The following SNX29 variants were observed in gnomAD, a reference collection of about 807,000 sequenced individuals.
SNX29 encodes the protein sorting nexin 29.
Under a neutral mutation model 102.1 loss-of-function variants are expected in SNX29, and 78 were observed. That is an observed-to-expected ratio of 0.76 (90% CI 0.64 to 0.92). The LOEUF is 0.92. Ranked by LOEUF, SNX29 falls within the 40% of genes least tolerant of loss-of-function variation. The pLI, the probability that SNX29 is intolerant of heterozygous loss-of-function variation, is 0.00. For synonymous variants in SNX29, 580 were observed against 414.5 expected, an observed-to-expected ratio of 1.40 and a Z score of -4.85; for missense variants, 1,280 against 1,061.7, an observed-to-expected ratio of 1.21 and a Z score of -2.86.
intron 11 of SNX29, among the ~76,000 whole-genome samples, chr16:12,082,969 C>T (rs1337643582): frequency 1.3e-5 from 2 of 152,040 alleles, no homozygotes; most frequent in African/African-American, 4.8e-5. Context: ...CTTGGGCTAC[C>T]ATAACAAGGG....
chr16:12,265,986 C>T lies in SNX29; in HGVS notation c.1679-11947C>T, dbSNP rs28678170. On this transcript the variant is annotated intron_variant, in intron 14 of 20. Coordinates refer to ENST00000566228, the MANE Select transcript of SNX29 (RefSeq NM_032167.5). ...TAATTCTCACAAGAGTTACCATTAT[C>T]CCCATTTTACAAATGAGGAAACTGA... Among the ~76,000 whole-genome samples the T allele has an allele frequency of 9.8e-3, 1,490 of 152,220 alleles. 29 individuals are homozygous for T. Among genetic ancestry groups the T allele is most frequent in the African/African-American group, 0.034 (1,410 of 41,524 alleles).
chr16:12,343,020 G>A (rs548373992), intron 15 of SNX29, among the ~76,000 whole-genome samples: 4 of 152,212 alleles, frequency 2.6e-5, no homozygotes, highest in Non-Finnish European at 5.9e-5. Flanking sequence ...ACATTTTGAT[G>A]CTCATAAAAT....
chr16:12,260,231 C>T (rs2078694290), intron 14 of SNX29, among the ~76,000 whole-genome samples: 1 of 152,230 alleles, frequency 6.6e-6, no homozygotes, highest in African/African-American at 2.4e-5. Flanking sequence ...GATGAGTCCT[C>T]TTCTGCTGGT....
intron 14 of SNX29, among the ~76,000 whole-genome samples, chr16:12,208,163 C>T (rs913539332): frequency 1.3e-5 from 2 of 152,228 alleles, no homozygotes; most frequent in African/African-American, 4.8e-5. Context: ...CACCACTCTG[C>T]TCACATTCCA....
chr16:12,452,792 G>T (rs890230210), intron 18 of SNX29, among the ~76,000 whole-genome samples: 2 of 152,112 alleles, frequency 1.3e-5, no homozygotes, highest in African/African-American at 2.4e-5. Context: ...GGTGCTGTGG[G>T]ACAGGAACTG....
At chr16:12,538,236 C>T (rs1037839033) in intron 20 of SNX29, among the ~76,000 whole-genome samples, 1 of 152,150 alleles carries the variant, frequency 6.6e-6, no homozygotes, top group Non-Finnish European at 1.5e-5. Context: ...GTGCCTCAGT[C>T]TCCCTAGTAG....
intron 11 of SNX29, among the ~76,000 whole-genome samples, chr16:12,084,592 C>A (rs1395971561): frequency 6.6e-6 from 1 of 152,128 alleles, no homozygotes; most frequent in Non-Finnish European, 1.5e-5. Flanking sequence ...GGCCATGTGC[C>A]CTCAGGGCCG....
intron 16 of SNX29, among the ~76,000 whole-genome samples, chr16:12,369,583 T>A (rs2082609329): frequency 6.6e-6 from 1 of 152,214 alleles, no homozygotes; most frequent in Admixed American, 6.5e-5. Flanking sequence ...GACCATTTCA[T>A]TTCTGTCATC....
chr16:12,019,587 T>TAGATAG (rs1555520306), intron 3 of SNX29, among the ~76,000 whole-genome samples: 72 of 79,268 alleles, frequency 9.1e-4, no homozygotes, highest in African/African-American at 2.0e-3. Context: ...TGTAAATATA[T>TAGATAG]ATATATAGAT....
chr16:12,234,951 C>T (rs962150570), intron 14 of SNX29, among the ~76,000 whole-genome samples: 2 of 152,188 alleles, frequency 1.3e-5, no homozygotes, highest in Admixed American at 1.3e-4. Flanking sequence ...TCCTTTTCAC[C>T]CATCCTTCTC....
intron 8 of SNX29, 33 bp from the exon 9 acceptor site, chr16:12,061,495 G>C (rs768388332): frequency 1.4e-5 from 22 of 1,542,768 alleles, no homozygotes; most frequent in Middle Eastern, 3.4e-4. Flanking sequence ...TGGGCTCTTT[G>C]GCCTGTCCTG....
intron 11 of SNX29, among the ~76,000 whole-genome samples, chr16:12,120,571 A>G (rs1036118124): frequency 1.3e-5 from 2 of 151,430 alleles, no homozygotes; most frequent in Admixed American, 6.6e-5. Flanking sequence ...GACGCCTCTC[A>G]CCCCTCCCTT....
chr16:11,983,182 T>C (rs393276), intron 1 of SNX29, among the ~76,000 whole-genome samples: 61,543 of 151,374 alleles, frequency 0.41, 14,128 homozygotes, highest in Non-Finnish European at 0.52. Flanking sequence ...CCACCTGCCT[T>C]GGCCTCCCAA....
chr16:12,243,851 A>G (rs2078183800), intron 14 of SNX29, among the ~76,000 whole-genome samples: 1 of 152,230 alleles, frequency 6.6e-6, no homozygotes, highest in African/African-American at 2.4e-5. Flanking sequence ...AAGTAGGGTA[A>G]TAACTGTTAA....
intron 20 of SNX29, among the ~76,000 whole-genome samples, chr16:12,566,315 C>T (rs961937781): frequency 4.6e-5 from 7 of 152,196 alleles, no homozygotes; most frequent in Non-Finnish European, 8.8e-5. Context: ...AAGCTATGTC[C>T]TCTCCCTACC....
At chr16:12,351,343 C>T (rs762398051) in intron 15 of SNX29, among the ~76,000 whole-genome samples, 6 of 151,986 alleles carry the variant, frequency 3.9e-5, no homozygotes, top group East Asian at 1.9e-4. Flanking sequence ...GGCCTGAAAA[C>T]GGGTTGTGAG....
At chr16:12,539,032 T>C (rs908938278) in intron 20 of SNX29, among the ~76,000 whole-genome samples, 3 of 152,132 alleles carry the variant, frequency 2.0e-5, no homozygotes, top group African/African-American at 7.2e-5. Context: ...GAATCCAGAA[T>C]GGGGCCCAGA....
intron 20 of SNX29, among the ~76,000 whole-genome samples, chr16:12,555,195 A>G (rs961390280): frequency 6.6e-6 from 1 of 151,846 alleles, no homozygotes; most frequent in Non-Finnish European, 1.5e-5. Flanking sequence ...TGTGGCATGC[A>G]GACTGGACTA....
chr16:12,462,811 G>T (rs2086866215), intron 18 of SNX29, among the ~76,000 whole-genome samples: 1 of 152,208 alleles, frequency 6.6e-6, no homozygotes. Context: ...CAGAATATCA[G>T]TGCCGCAAAT....
Sources: allele counts gnomAD v4.1 joint callset (sites outside exome capture counted in the v4.1 genomes callset), GRCh38; gene constraint gnomAD v4.1.1; transcripts MANE v1.5; gene names NCBI Gene and HGNC (gene_info 2026-07-23, HGNC 2026-07-21).